EPG5: variants seen among roughly 807,000 people sequenced by gnomAD.
EPG5 encodes the protein ectopic P granules protein 5 homolog.
In EPG5, 159 loss-of-function variants were observed where a neutral mutation model predicts 302.7. That is an observed-to-expected ratio of 0.53 (90% CI 0.46 to 0.60). The LOEUF (loss-of-function observed/expected upper bound fraction) is 0.60. Among genes scored for constraint, EPG5 ranks in the 20% least tolerant of loss-of-function variants. The probability of loss-of-function intolerance (pLI) is 0.00; values close to 1 mark genes in which losing one functional copy is unlikely to be tolerated. For missense variants in EPG5, 2,896 were observed against 3,092.4 expected, an observed-to-expected ratio of 0.94 and a Z score of 1.51; for synonymous variants, 1,158 against 1,136.8, an observed-to-expected ratio of 1.02 and a Z score of -0.37.
At position 45,908,436 on chromosome 18, in the gene EPG5, TTCAG is replaced by T. The variant is rs201807699; in HGVS notation, c.4206-359_4206-356del. 3.1e-4 allele frequency among the ~76,000 whole-genome samples: 47 copies of T among 152,282 alleles called. No homozygotes were observed. In the East Asian group the frequency reaches 8.9e-3, roughly 29 times the overall value. On this transcript the variant is annotated intron_variant, in intron 23 of 43. Coordinates refer to ENST00000282041, the MANE Select transcript of EPG5 (RefSeq NM_020964.3). The stretch of plus-strand genomic sequence containing the variant: ...TCTGGAGCTTTTCTTTCCTAGGCAA[TTCAG>T]TCAGTTATTTTTGCTTAGAAAAGCA...
At chr18:45,903,181 T>G (rs1346750012) in intron 25 of EPG5, among the ~76,000 whole-genome samples, 2 of 152,160 alleles carry the variant, frequency 1.3e-5, no homozygotes, top group Non-Finnish European at 2.9e-5. Flanking sequence ...TGAGGGCAAT[T>G]TTCATCCCTT....
At position 45,949,589 on chromosome 18, in the gene EPG5, T is replaced by C. The variant is rs2050859547; in HGVS notation, c.1392A>G (p.Val464=). 2 of 1,597,224 alleles carry C rather than the reference T, an allele frequency of 1.3e-6. No individual in the cohort carries two copies. The highest frequency in any genetic ancestry group is 8.6e-7 in the Non-Finnish European group (1 of 1,165,360). Residue 464 remains valine, a splice_region_variant and synonymous_variant, in exon 5 of 44, where the codon GTA becomes GTG. Coordinates refer to ENST00000282041, the MANE Select transcript of EPG5 (RefSeq NM_020964.3). ...GACAGCCAACTCTTTGTAGCACGGATACCTGAACAATAAAGGTCATATGAT... is the reference window on the plus strand; with the variant it reads ...GACAGCCAACTCTTTGTAGCACGGACACCTGAACAATAAAGGTCATATGAT... The part of the protein sequence containing the change: ...DDILLWLQKL[V]SVLQRVGCPG...
At chr18:45,892,989 T>C (rs1444647947) in intron 27 of EPG5, among the ~76,000 whole-genome samples, 1 of 152,140 alleles carries the variant, frequency 6.6e-6, no homozygotes, top group African/African-American at 2.4e-5. Flanking sequence ...AATACTATTA[T>C]ACAGACTCAG....
At chr18:45,877,265 G>A (rs8096842) in intron 34 of EPG5, among the ~76,000 whole-genome samples, 152,111 of 152,114 alleles carry the variant, frequency 1, 76,054 homozygotes, top group Middle Eastern at 1. Context: ...AATTAAAATT[G>A]AAAAATAGCT....
At chr18:45,869,236 T>C (rs755983093) in intron 36 of EPG5, among the ~76,000 whole-genome samples, 3 of 152,350 alleles carry the variant, frequency 2.0e-5, no homozygotes, top group South Asian at 4.1e-4. Context: ...AAAATCATGA[T>C]CAATGGAATT....
At chr18:45,903,894 ATG>A in intron 25 of EPG5, 77 bp downstream of exon 25, 1 of 1,396,604 alleles carries the variant, frequency 7.2e-7, no homozygotes, top group Non-Finnish European at 9.6e-7. Context: ...GGAATAAAGT[ATG>A]TCAGCCTCAA....
At chr18:45,936,323 T>C (rs1476808344) in intron 10 of EPG5, among the ~76,000 whole-genome samples, 2 of 152,152 alleles carry the variant, frequency 1.3e-5, no homozygotes, top group Non-Finnish European at 2.9e-5. Context: ...TAAACCAGTA[T>C]CTCAAAAACA....
intron 1 of EPG5, among the ~76,000 whole-genome samples, chr18:45,955,689 G>A (rs973043662): frequency 8.5e-5 from 13 of 152,216 alleles, no homozygotes; most frequent in Non-Finnish European, 1.3e-4. Context: ...CAGTCTCTAC[G>A]GATCTTCAGC....
intron 31 of EPG5, among the ~76,000 whole-genome samples, chr18:45,882,040 A>G (rs1032985934): frequency 6.6e-6 from 1 of 152,248 alleles, no homozygotes; most frequent in African/African-American, 2.4e-5. Context: ...ACCAAACTGG[A>G]GGTGCTGCCT....
At chr18:45,963,620 G>A (rs2143923734) in intron 1 of EPG5, among the ~76,000 whole-genome samples, 1 of 152,274 alleles carries the variant, frequency 6.6e-6, no homozygotes, top group Non-Finnish European at 1.5e-5. Flanking sequence ...GGGTGACAGA[G>A]TGAGACTCGG....
At chr18:45,868,693 T>A (rs912519753) in intron 36 of EPG5, among the ~76,000 whole-genome samples, 1 of 151,434 alleles carries the variant, frequency 6.6e-6, no homozygotes, top group Admixed American at 6.6e-5. Flanking sequence ...AATGTAATGC[T>A]GTATTATAAC....
At chr18:45,889,024 T>C (rs1202561395) in intron 28 of EPG5, among the ~76,000 whole-genome samples, 1 of 152,172 alleles carries the variant, frequency 6.6e-6, no homozygotes, top group Non-Finnish European at 1.5e-5. Flanking sequence ...CCTTTTTGTG[T>C]CCCTTTCCCA....
chr18:45,952,177 G>A (rs1039939764), intron 3 of EPG5, among the ~76,000 whole-genome samples: 4 of 152,146 alleles, frequency 2.6e-5, no homozygotes, highest in Non-Finnish European at 4.4e-5. Flanking sequence ...TGGCATCCTA[G>A]AGAAGCAGAG....
the EPG5 span, among the ~76,000 whole-genome samples, chr18:45,816,870 T>C: frequency 4.6e-5 from 7 of 152,202 alleles, no homozygotes. Context: ...CCAATCCAAA[T>C]GCCCATCAAT....
chr18:45,803,133 C>T, the EPG5 span, among the ~76,000 whole-genome samples: 5 of 152,218 alleles, frequency 3.3e-5, no homozygotes, highest in Non-Finnish European at 4.4e-5. Context: ...ATCAGCCTTA[C>T]ATAATATCTG....
the EPG5 span, chr18:45,842,201 C>T: frequency 1.2e-6 from 2 of 1,613,628 alleles, no homozygotes; most frequent in South Asian, 1.1e-5. Context: ...GTCCCTCAGC[C>T]ACCAACATCC....
Position 45,948,437 on chromosome 18 carries a change from A to G in EPG5, c.1571+66T>C, listed in dbSNP as rs1380376984. On this transcript the variant is annotated intron_variant, in intron 6 of 43. Coordinates refer to ENST00000282041, the MANE Select transcript of EPG5 (RefSeq NM_020964.3). ...TTCTTCTTTGGATCTAGGCAGTTTC[A>G]GGAGCCAATCCTTTAGAAGAAAGAA... 3 of 1,293,878 alleles carry G rather than the reference A, an allele frequency of 2.3e-6. No individual in the cohort carries two copies. In the African/African-American group the frequency reaches 4.4e-5, roughly 19 times the overall value. 80.1% of individuals were successfully genotyped at this position (1,293,878 alleles called of 1,614,324 possible). A position where few individuals can be genotyped will look rare whatever the true frequency, so the allele number is the denominator to read the frequency against.
chr18:45,887,523 T>A (rs2049244446), intron 29 of EPG5, among the ~76,000 whole-genome samples: 1 of 152,170 alleles, frequency 6.6e-6, no homozygotes, highest in African/African-American at 2.4e-5. Context: ...AGTTCTGATG[T>A]CTCCCTAGAC....
intron 34 of EPG5, among the ~76,000 whole-genome samples, chr18:45,876,717 A>G (rs980324337): frequency 6.6e-6 from 1 of 152,152 alleles, no homozygotes; most frequent in Non-Finnish European, 1.5e-5. Context: ...AAAGCATTAA[A>G]AAAAAAAAAT....
Sources: gnomAD v4.1 joint callset for allele counts (sites outside exome capture counted in the v4.1 genomes callset) on GRCh38, gnomAD v4.1.1 for gene constraint, MANE v1.5 for transcripts, NCBI Gene and HGNC (gene_info 2026-07-23, HGNC 2026-07-21) for gene names.